Variants in CA4 observed in about 807,000 individuals in gnomAD.
The protein encoded by CA4 is CA-IV.
A neutral mutation model predicts 34.5 loss-of-function variants in CA4; 24 were observed. The observed-to-expected ratio is 0.70, with a 90% CI of 0.50 to 0.98. The LOEUF (loss-of-function observed/expected upper bound fraction) is 0.98. CA4 is among the 50% of genes least tolerant of loss of function. The pLI, the probability that CA4 is intolerant of heterozygous loss-of-function variation, is 0.00. For synonymous variants in CA4, 178 were observed against 170.6 expected (o/e 1.04, Z -0.34); for missense variants, 394 against 396.7 (o/e 0.99, Z 0.06).
downstream of CA4, among the ~76,000 whole-genome samples, chr17:60,163,568 T>C (rs2145295493): frequency 6.6e-6 from 1 of 152,272 alleles, no homozygotes; most frequent in African/African-American, 2.4e-5. Context: ...GCCGCTCTGT[T>C]TGTTTATCTG....
downstream of CA4, among the ~76,000 whole-genome samples, chr17:60,175,438 G>A (rs34295478): frequency 0.039 from 5,923 of 150,818 alleles, 425 homozygotes; most frequent in African/African-American, 0.14. Flanking sequence ...GTGTGGTGGC[G>A]CACATCTGTG....
chr17:60,166,382 T>G (rs961237046), intron 5 of CA4, among the ~76,000 whole-genome samples: 4 of 152,210 alleles, frequency 2.6e-5, no homozygotes, highest in Non-Finnish European at 5.9e-5. Context: ...GTGCTAGGAT[T>G]ACAGCCATGA....
Position 60,158,336 on chromosome 17 carries a change from G to A in CA4, c.634G>A (p.Glu212Lys). 1.2e-6 allele frequency: 2 copies of A among 1,614,176 alleles called. No homozygotes were observed. Among genetic ancestry groups the A allele is most frequent in the Non-Finnish European group, 1.7e-6 (2 of 1,180,024 alleles). Residue 212 changes from glutamate (E) to lysine (K), a missense_variant, in exon 7 of 8, where the codon GAG becomes AAG. Coordinates refer to ENST00000300900, the MANE Select transcript of CA4 (RefSeq NM_000717.5). Reference sequence around the variant, plus strand: ...CCTGTTGGACCTGCTCCCCAAGGAGGAGAAACTGAGGCACTACTTCCGCTA... The same window carrying A: ...CCTGTTGGACCTGCTCCCCAAGGAGAAGAAACTGAGGCACTACTTCCGCTA... ...SSLLDLLPKEEKLRHYFRYLG... is the reference protein window; with the variant it reads ...SSLLDLLPKEKKLRHYFRYLG...
intron 5 of CA4, among the ~76,000 whole-genome samples, chr17:60,167,718 C>G (rs1430219381): frequency 6.6e-6 from 1 of 152,188 alleles, no homozygotes; most frequent in African/African-American, 2.4e-5. Flanking sequence ...ACAGCGGTTT[C>G]CACATGTGGG....
chr17:60,169,027 A>AAACT (rs1280048101), intron 5 of CA4, among the ~76,000 whole-genome samples: 13 of 152,100 alleles, frequency 8.5e-5, no homozygotes, highest in Admixed American at 3.3e-4. Flanking sequence ...TGGGCAGATC[A>AAACT]CCTGAAGTCA....
intron 5 of CA4, among the ~76,000 whole-genome samples, chr17:60,166,646 A>G (rs948728041): frequency 1.3e-5 from 2 of 152,264 alleles, no homozygotes; most frequent in African/African-American, 4.8e-5. Context: ...TACACAGGAC[A>G]TAAGGCTAAC....
downstream of CA4, among the ~76,000 whole-genome samples, chr17:60,161,949 C>T (rs549081440): frequency 4.3e-3 from 651 of 152,284 alleles, no homozygotes; most frequent in Non-Finnish European, 7.3e-3. Context: ...ACCCCCATCC[C>T]TGCCCTCCAG....
chr17:60,174,920 T>G (rs552231631), downstream of CA4, among the ~76,000 whole-genome samples: 90 of 152,324 alleles, frequency 5.9e-4, 2 homozygotes, highest in South Asian at 0.017. Context: ...AGAGACTCCA[T>G]GCAGACTCAC....
At chr17:60,152,512 C>T (rs1482233450) in intron 1 of CA4, among the ~76,000 whole-genome samples, 1 of 152,218 alleles carries the variant, frequency 6.6e-6, no homozygotes, top group Non-Finnish European at 1.5e-5. Flanking sequence ...CAGGGAAGAC[C>T]AAATTCCTAA....
At chr17:60,177,882 A>C in the CA4 span, among the ~76,000 whole-genome samples, 1 of 152,214 alleles carries the variant, frequency 6.6e-6, no homozygotes, top group African/African-American at 2.4e-5. Flanking sequence ...ATTAATGAGA[A>C]TCAACTTGCA....
the CA4 span, among the ~76,000 whole-genome samples, chr17:60,177,870 C>A: frequency 6.6e-6 from 1 of 151,970 alleles, no homozygotes; most frequent in African/African-American, 2.4e-5. Context: ...TGGAATCTGA[C>A]AATTAATGAG....
exon 6 of CA4, chr17:60,170,584 G>C (rs983543612): frequency 1.3e-5 from 2 of 152,224 alleles, no homozygotes; most frequent in African/African-American, 4.8e-5. Flanking sequence ...GAAGCGAATA[G>C]AACAAACCTA....
chr17:60,172,828 G>A (rs1424851129), downstream of CA4, among the ~76,000 whole-genome samples: 1 of 150,892 alleles, frequency 6.6e-6, no homozygotes, highest in Non-Finnish European at 1.5e-5. Context: ...TGGGCGACAA[G>A]AGTGAAACTC....
the CA4 span, chr17:60,178,962 C>A: frequency 3.1e-6 from 1 of 325,102 alleles, no homozygotes; most frequent in South Asian, 6.6e-5. Context: ...TCTGGACAAG[C>A]ACAATTGAAT....
intron 1 of CA4, among the ~76,000 whole-genome samples, chr17:60,152,218 G>A (rs2083605312): frequency 6.6e-6 from 1 of 151,918 alleles, no homozygotes; most frequent in Admixed American, 6.6e-5. Flanking sequence ...GCCCTCTTGG[G>A]AGTGGCCTGA....
intron 1 of CA4, among the ~76,000 whole-genome samples, chr17:60,154,168 A>G (rs1037891609): frequency 2.1e-5 from 3 of 144,538 alleles, no homozygotes; most frequent in Non-Finnish European, 4.5e-5. Flanking sequence ...ATTTCTTTCC[A>G]AGTCACTTCA....
chr17:60,157,502 A>G lies in CA4; in HGVS notation c.344A>G (p.His115Arg). The change falls in exon 4 of 8, where the codon CAC becomes CGC. Residue 115 changes from histidine (H) to arginine (R), a missense_variant. Transcript: ENST00000300900. ...GCCCCATACCAGGCCAAACAGTTGC[A>G]CCTGCACTGGTCCGACTTGCCATAT... ...LPAPYQAKQL[H>R]LHWSDLPYKG... is the part of the protein sequence containing the mutation. The G allele has an allele frequency of 6.2e-7, 1 of 1,614,146 alleles. No individual in the cohort carries two copies.
At chr17:60,164,378 T>G (rs2083833727), downstream of CA4, among the ~76,000 whole-genome samples, 1 of 151,042 alleles carries the variant, frequency 6.6e-6, no homozygotes, top group Non-Finnish European at 1.5e-5. Flanking sequence ...CTGTCTTTCT[T>G]TCTTTCTTTC....
In CA4 at chr17:60,157,726, A is replaced by G. The variant is rs774987740; in HGVS notation, c.451A>G (p.Arg151Gly). 3.1e-6 allele frequency: 5 copies of G among 1,613,988 alleles called. No homozygotes were observed. The African/African-American group carries it at 4.0e-5, about 13-fold the overall frequency. Residue 151 changes from arginine to glycine, a missense_variant, in exon 5 of 8, where the codon AGG (arginine) becomes GGG (glycine). Coordinates refer to ENST00000300900, the MANE Select transcript of CA4 (RefSeq NM_000717.5). ...IVHEKEKGTSRNVKEAQDPED... is the reference protein window; with the variant it reads ...IVHEKEKGTSGNVKEAQDPED... ...ACATGAGAAAGAGAAGGGGACATCG[A>G]GGAATGTGAAAGAGGCCCAGGACCC...
Sources: allele counts gnomAD v4.1 joint callset (sites outside exome capture counted in the v4.1 genomes callset), GRCh38; gene constraint gnomAD v4.1.1; transcripts MANE v1.5; gene names NCBI Gene and HGNC (gene_info 2026-07-23, HGNC 2026-07-21).